SRI: variants seen among roughly 807,000 people sequenced by gnomAD.
SRI encodes the protein 22 kDa protein.
SRI carries 30 observed loss-of-function variants against 33.3 expected under a neutral mutation model. The ratio of observed to expected loss-of-function variants is 0.90; its 90% CI spans 0.67 to 1.22. The LOEUF (loss-of-function observed/expected upper bound fraction) is 1.22. SRI is among the 50% of genes most tolerant of loss of function. The probability of loss-of-function intolerance (pLI) is 0.00; values close to 1 mark genes in which losing one functional copy is unlikely to be tolerated. For synonymous variants in SRI, 75 were observed against 89.9 expected (o/e 0.83, Z 0.94); for missense variants, 243 against 250.8 (o/e 0.97, Z 0.21).
chr7:88,226,408 T>C (rs1042929667), intron 1 of SRI, among the ~76,000 whole-genome samples: 5 of 152,116 alleles, frequency 3.3e-5, no homozygotes, highest in Non-Finnish European at 7.4e-5. Flanking sequence ...TCGCAAAGTT[T>C]ACACAGAACC....
intron 1 of SRI, among the ~76,000 whole-genome samples, chr7:88,226,071 A>G (rs1424724641): frequency 6.6e-6 from 1 of 152,268 alleles, no homozygotes; most frequent in African/African-American, 2.4e-5. Flanking sequence ...TGAATACTGG[A>G]CCTGTATGCT....
chr7:88,208,381 A>G, intron 7 of SRI, 126 bp downstream of exon 7: 1 of 1,443,758 alleles, frequency 6.9e-7, no homozygotes. Context: ...ACTCTTTCTA[A>G]CTTTTGAATC....
chr7:88,225,370 T>C (rs1446721849), intron 1 of SRI, among the ~76,000 whole-genome samples: 4 of 152,218 alleles, frequency 2.6e-5, no homozygotes, highest in Admixed American at 6.5e-5. Flanking sequence ...TACTTTCTTA[T>C]CATTAGGGCT....
At chr7:88,224,570 A>G (rs891199576), upstream of SRI, among the ~76,000 whole-genome samples, 4 of 152,244 alleles carry the variant, frequency 2.6e-5, no homozygotes, top group East Asian at 1.9e-4. Context: ...TGATAACAAC[A>G]TAGGTAACCA....
intron 1 of SRI, among the ~76,000 whole-genome samples, 182 bp downstream of exon 1, chr7:88,219,794 G>A (rs1455622433): frequency 6.6e-6 from 1 of 152,188 alleles, no homozygotes; most frequent in African/African-American, 2.4e-5. Flanking sequence ...ACGGGGAAAC[G>A]TGGGGAGAGG....
At position 88,210,123 on chromosome 7, in the gene SRI, A is replaced by G. The variant is rs760554784; in HGVS notation, c.257T>C (p.Met86Thr). ...TTCATTGAAACCCATTGTGCCAGACATATCTCTCTGAACTGTAATCAAGGA... is the reference window on the plus strand; with the variant it reads ...TTCATTGAAACCCATTGTGCCAGACGTATCTCTCTGAACTGTAATCAAGGA... ...RLMVSMLDRDMSGTMGFNEFK... is the reference protein window; with the variant it reads ...RLMVSMLDRDTSGTMGFNEFK... Residue 86 changes from methionine to threonine, a missense_variant, in exon 5 of 8, where the codon ATG (methionine) becomes ACG (threonine). Met to Thr is a moderately conservative substitution (Grantham distance 81). Transcript: ENST00000265729. 9 of 1,614,140 alleles carry G rather than the reference A, an allele frequency of 5.6e-6. No homozygotes were observed. The highest frequency in any genetic ancestry group is 1.7e-5 in the Admixed American group (1 of 60,022).
chr7:88,210,562 C>A, intron 4 of SRI: 1 of 383,778 alleles, frequency 2.6e-6, no homozygotes, highest in Non-Finnish European at 4.8e-6. Context: ...TAAACTCAGT[C>A]CAACAAGTGG....
chr7:88,209,234 C>A, intron 6 of SRI, 105 bp downstream of exon 6: 1 of 958,586 alleles, frequency 1.0e-6, no homozygotes, highest in East Asian at 2.6e-5. Context: ...ACTACTAAAG[C>A]AAGAAAAAAT....
upstream of SRI, among the ~76,000 whole-genome samples, chr7:88,222,654 A>G (rs532645051): frequency 7.9e-5 from 12 of 152,334 alleles, no homozygotes; most frequent in Admixed American, 2.0e-4. Flanking sequence ...AAACAGAGAT[A>G]TAGATCAATG....
intron 6 of SRI, chr7:88,208,771 G>A: frequency 1.4e-6 from 1 of 721,086 alleles, no homozygotes; most frequent in Non-Finnish European, 2.1e-6. Context: ...GCAGAAGTTG[G>A]CCAGCTGTGT....
At position 88,219,176 on chromosome 7, in the gene SRI, C is replaced by G. The variant is rs1851815065; in HGVS notation, c.52-234G>C. 1.3e-5 allele frequency: 7 copies of G among 535,954 alleles called. No individual in the cohort carries two copies. The South Asian group carries it at 1.4e-4, about 11-fold the overall frequency. 33.2% of individuals were successfully genotyped at this position (535,954 alleles called of 1,614,324 possible). A position where few individuals can be genotyped will look rare whatever the true frequency, so the allele number is the denominator to read the frequency against. Reference sequence around the variant, plus strand: ...AGAGTTGCTGTGAAAGTGATGTCTACATATGTAAAGCAACTTTTAAAATCC... The same window carrying G: ...AGAGTTGCTGTGAAAGTGATGTCTAGATATGTAAAGCAACTTTTAAAATCC... On this transcript the variant is annotated intron_variant, in intron 1 of 7. Coordinates refer to ENST00000265729, the MANE Select transcript of SRI (RefSeq NM_003130.4).
chr7:88,207,936 T>C, intron 7 of SRI: 1 of 151,036 alleles, frequency 6.6e-6, no homozygotes, highest in Non-Finnish European at 1.5e-5. Flanking sequence ...TGCAGTGAGC[T>C]GACATTGCGC....
upstream of SRI, among the ~76,000 whole-genome samples, chr7:88,223,286 A>G (rs1851930493): frequency 6.6e-6 from 1 of 152,178 alleles, no homozygotes; most frequent in East Asian, 1.9e-4. Flanking sequence ...TATTTGCTTA[A>G]TCTTAATAAA....
chr7:88,220,109 G>A (rs1050261281), upstream of SRI: 21 of 1,424,710 alleles, frequency 1.5e-5, no homozygotes, highest in South Asian at 1.8e-4. Flanking sequence ...CCGCTAGGGG[G>A]CCGCCCCAGA....
chr7:88,223,421 G>C (rs1346887238), upstream of SRI, among the ~76,000 whole-genome samples: 1 of 152,126 alleles, frequency 6.6e-6, no homozygotes, highest in Non-Finnish European at 1.5e-5. Context: ...ACACCCAGGG[G>C]CAGGTAAAGG....
upstream of SRI, among the ~76,000 whole-genome samples, chr7:88,223,027 G>T (rs1851924073): frequency 6.6e-6 from 1 of 152,066 alleles, no homozygotes; most frequent in African/African-American, 2.4e-5. Context: ...AAGAGCTTCT[G>T]CACAGCAAAA....
intron 4 of SRI, 84 bp from the exon 5 acceptor site, chr7:88,210,214 T>C: frequency 2.8e-6 from 4 of 1,428,612 alleles, no homozygotes; most frequent in Non-Finnish European, 3.9e-6. Flanking sequence ...GGGAATTCAA[T>C]ATTCAATGGC....
At position 88,210,772 on chromosome 7, in the gene SRI, C is replaced by T. The variant is rs1851556507; in HGVS notation, c.249+110G>A. ...AATAGAAGCTAATTATTTCAGAAAG[C>T]TTTTTAGTGATCATTTATTACTTTG... On this transcript the variant is annotated intron_variant, in intron 4 of 7. Coordinates refer to ENST00000265729, the MANE Select transcript of SRI (RefSeq NM_003130.4). 7 of 1,077,040 alleles carry T rather than the reference C, an allele frequency of 6.5e-6. No homozygotes were observed. In the East Asian group the frequency reaches 1.8e-4, roughly 28 times the overall value. 66.7% of individuals were successfully genotyped at this position (1,077,040 alleles called of 1,614,324 possible).
At chr7:88,208,719 C>T in intron 6 of SRI, 154 bp from the exon 7 acceptor site, 1 of 1,106,340 alleles carries the variant, frequency 9.0e-7, no homozygotes, top group Non-Finnish European at 1.3e-6. Flanking sequence ...AAGAAGCCAA[C>T]TATATGAATA....
Sources: allele counts gnomAD v4.1 joint callset (sites outside exome capture counted in the v4.1 genomes callset), GRCh38; gene constraint gnomAD v4.1.1; transcripts MANE v1.5; gene names NCBI Gene and HGNC (gene_info 2026-07-23, HGNC 2026-07-21).